The following NISCH variants were observed in gnomAD, a reference collection of about 807,000 sequenced individuals.
NISCH encodes the protein I-1 receptor candidate protein.
In NISCH, 55 loss-of-function variants were observed where a neutral mutation model predicts 138.4. The observed-to-expected ratio is 0.40, with a 90% CI of 0.32 to 0.50. The LOEUF (loss-of-function observed/expected upper bound fraction) is 0.50, where lower values mean the gene tolerates loss of function less well. Ranked by LOEUF, NISCH falls within the 20% of genes least tolerant of loss-of-function variation. The pLI is 0.71. For synonymous variants in NISCH, 860 were observed against 861.5 expected (o/e 1.00, Z 0.03); for missense variants, 1,643 against 2,005.5 (o/e 0.82, Z 3.45).
At chr3:52,468,216 G>A (rs1174600049) in intron 3 of NISCH, among the ~76,000 whole-genome samples, 1 of 152,114 alleles carries the variant, frequency 6.6e-6, no homozygotes, top group African/African-American at 2.4e-5. Flanking sequence ...CCAGGATCAC[G>A]CCACTGCACT....
intron 13 of NISCH, among the ~76,000 whole-genome samples, chr3:52,482,330 C>G (rs1707297652): frequency 1.3e-5 from 2 of 152,294 alleles, no homozygotes; most frequent in Non-Finnish European, 2.9e-5. Context: ...GCTGTCCAGA[C>G]AACACCCAGC....
chr3:52,482,203 G>T (rs1707293578), intron 13 of NISCH, among the ~76,000 whole-genome samples: 1 of 152,186 alleles, frequency 6.6e-6, no homozygotes, highest in Non-Finnish European at 1.5e-5. Flanking sequence ...TGGATGGACA[G>T]GGTTTTTTAG....
chr3:52,464,680 A>T (rs999315235), intron 3 of NISCH, among the ~76,000 whole-genome samples: 2 of 151,704 alleles, frequency 1.3e-5, no homozygotes, highest in African/African-American at 2.4e-5. Flanking sequence ...GTACGCAACC[A>T]CGTCTGGCTG....
chr3:52,465,467 A>T (rs924138832), intron 3 of NISCH, among the ~76,000 whole-genome samples: 2 of 152,094 alleles, frequency 1.3e-5, no homozygotes, highest in Non-Finnish European at 2.9e-5. Context: ...AGAAAGCACT[A>T]CTTGTTTACC....
intron 3 of NISCH, among the ~76,000 whole-genome samples, chr3:52,468,623 G>A (rs988947156): frequency 3.3e-5 from 5 of 152,064 alleles, no homozygotes; most frequent in East Asian, 3.8e-4. Context: ...ACTTCCAGCC[G>A]GAGCCCTGTC....
chr3:52,475,402 C>T (rs1707072976), intron 7 of NISCH, among the ~76,000 whole-genome samples: 3 of 152,166 alleles, frequency 2.0e-5, no homozygotes, highest in Admixed American at 2.0e-4. Context: ...TGCTACTCCC[C>T]TTATCTTAGC....
chr3:52,459,184 G>A (rs138710863), intron 3 of NISCH, among the ~76,000 whole-genome samples: 189 of 152,314 alleles, frequency 1.2e-3, no homozygotes, highest in African/African-American at 4.3e-3. Flanking sequence ...CTATTGTTGA[G>A]TTGTTGGTGC....
chr3:52,485,732 G>T (rs761109079), intron 14 of NISCH, 46 bp from the exon 15 acceptor site: 1 of 1,553,032 alleles, frequency 6.4e-7, no homozygotes, highest in Admixed American at 1.9e-5. Flanking sequence ...AATGGCTGGG[G>T]CTGGCTGCAG....
chr3:52,455,852 C>G (rs908240010), intron 1 of NISCH, 118 bp downstream of exon 1: 4 of 684,774 alleles, frequency 5.8e-6, no homozygotes, highest in Admixed American at 8.8e-5. Context: ...GAAGGGTCTG[C>G]GATTGCGAGG....
chr3:52,464,301 C>T (rs944719227), intron 3 of NISCH, among the ~76,000 whole-genome samples: 6 of 151,414 alleles, frequency 4.0e-5, no homozygotes, highest in Non-Finnish European at 5.9e-5. Flanking sequence ...GGGAGGCTGA[C>T]GCACAAGAAT....
rs1706444755 is a variant in NISCH at position 52,455,718 on chromosome 3, T to C, written c.77T>C (p.Leu26Pro). ...GAAGCGCGCGTCGTGGGCTCGGAGC[T>C]TGTGGACACTTATACGGTGTGTTGG... ...AKEARVVGSE[L>P]VDTYTVYIIQ... Residue 26 changes from leucine to proline, a missense_variant, in exon 1 of 21, where the codon CTT becomes CCT. Physicochemically the swap from Leu to Pro is moderately conservative, Grantham distance 98 (BLOSUM62 -3). Coordinates refer to ENST00000345716, the MANE Select transcript of NISCH (RefSeq NM_007184.4). 1.5e-6 allele frequency: 2 copies of C among 1,367,084 alleles called. No homozygotes were observed. The highest frequency in any genetic ancestry group is 1.9e-6 in the Non-Finnish European group (2 of 1,049,532). 84.7% of individuals were successfully genotyped at this position (1,367,084 alleles called of 1,614,324 possible).
chr3:52,456,604 G>A (rs1706479290), intron 1 of NISCH, among the ~76,000 whole-genome samples: 1 of 152,220 alleles, frequency 6.6e-6, no homozygotes, highest in South Asian at 2.1e-4. Context: ...GGAGTGGGTG[G>A]GGGCCTTGGG....
Position 52,455,604 on chromosome 3 carries a change from A to C in NISCH, c.-38A>C. 7.9e-7 allele frequency: 1 copy of C among 1,261,764 alleles called. No individual in the cohort carries two copies. Among genetic ancestry groups the C allele is most frequent in the African/African-American group, 1.5e-5 (1 of 65,356 alleles). The allele number at this position is 1,261,764 out of a possible 1,614,324, so 78.2% of individuals were successfully genotyped here. A position where few individuals can be genotyped will look rare whatever the true frequency, so the allele number is the denominator to read the frequency against. On this transcript the variant is annotated 5_prime_UTR_variant, in exon 1 of 21. Transcript: ENST00000345716. ...GTTGACCCCGCCCCCTGCTGCTGCT[A>C]GTCTGCGCCGGGCGGCGGTGGCGGC... is the stretch of plus-strand genomic sequence containing the variant.
chr3:52,477,580 A>G lies in NISCH; in HGVS notation c.925A>G (p.Ile309Val), dbSNP rs771902102. The G allele has an allele frequency of 6.2e-7, 1 of 1,613,902 alleles. No homozygotes were observed. The highest frequency in any genetic ancestry group is 1.1e-5 in the South Asian group (1 of 91,078). The change falls in exon 9 of 21, where the codon ATC (isoleucine) becomes GTC (valine). Residue 309 changes from isoleucine (I) to valine (V), a missense_variant. By Grantham distance (29) the Ile-to-Val change is conservative. Transcript: ENST00000345716. ...VSEIDESVKLIPKIEFLDLSH... is the reference protein window; with the variant it reads ...VSEIDESVKLVPKIEFLDLSH... ...TGTTCTTTTCTTTCACAAGAAACTGATCCCAAAGATTGAGTTCCTGGACCT... is the reference window on the plus strand; with the variant it reads ...TGTTCTTTTCTTTCACAAGAAACTGGTCCCAAAGATTGAGTTCCTGGACCT...
intron 11 of NISCH, among the ~76,000 whole-genome samples, chr3:52,479,334 C>G (rs1707199299): frequency 6.6e-6 from 1 of 152,124 alleles, no homozygotes; most frequent in Non-Finnish European, 1.5e-5. Context: ...GCCGCTGGTT[C>G]CCCTACCCAG....
chr3:52,483,665 G>A (rs927266513), intron 13 of NISCH, among the ~76,000 whole-genome samples: 1 of 152,254 alleles, frequency 6.6e-6, no homozygotes, highest in Non-Finnish European at 1.5e-5. Context: ...GGCTCAGGCT[G>A]GACTCAGCAG....
rs1428713293 is a variant in NISCH at position 52,487,786 on chromosome 3, A to G, written c.2294A>G (p.His765Arg). 4 of 1,613,286 alleles carry G rather than the reference A, an allele frequency of 2.5e-6. No individual in the cohort carries two copies. The highest frequency in any genetic ancestry group is 2.5e-6 in the Non-Finnish European group (3 of 1,179,940). The change falls in exon 16 of 21, where the codon CAT (histidine) becomes CGT (arginine). Residue 765 changes from histidine to arginine, a missense_variant. Coordinates refer to ENST00000345716, the MANE Select transcript of NISCH (RefSeq NM_007184.4). This position sits in a 1 kb window ranked among gnomAD's most constrained non-coding sequence, Gnocchi z 9.1. The part of the protein sequence containing the change: ...SSLRFVFCFP[H>R]GDLTEFGFLM... ...CTGCGCTTTGTCTTTTGCTTCCCGC[A>G]TGGCGACCTCACCGAGTTTGGCTTC... is the stretch of plus-strand genomic sequence containing the variant.
intron 3 of NISCH, among the ~76,000 whole-genome samples, chr3:52,467,207 G>A (rs1297938918): frequency 6.6e-6 from 1 of 152,106 alleles, no homozygotes; most frequent in East Asian, 1.9e-4. Context: ...CACCATGTTG[G>A]CCAGGCTGGT....
intron 4 of NISCH, among the ~76,000 whole-genome samples, chr3:52,471,109 G>A (rs369352547): frequency 7.2e-5 from 11 of 152,138 alleles, no homozygotes; most frequent in African/African-American, 1.7e-4. Flanking sequence ...GTTCCAAAGC[G>A]CTGTGGTGGG....
Sources: allele counts gnomAD v4.1 joint callset (sites outside exome capture counted in the v4.1 genomes callset), GRCh38; gene constraint gnomAD v4.1.1; non-coding constraint Gnocchi (gnomAD v3.1); transcripts MANE v1.5; gene names NCBI Gene and HGNC (gene_info 2026-07-23, HGNC 2026-07-21).